TENM3: variants seen among roughly 807,000 people sequenced by gnomAD.
TENM3 encodes teneurin transmembrane protein 3, also known as teneurin-3.
Under a neutral mutation model 255.1 loss-of-function variants are expected in TENM3, and 63 were observed. The observed-to-expected ratio is 0.25, with a 90% CI of 0.20 to 0.30. The LOEUF (loss-of-function observed/expected upper bound fraction) is 0.30. Ranked by LOEUF, TENM3 falls within the 10% of genes least tolerant of loss-of-function variation. The pLI is 1.00. For missense variants in TENM3, 2,929 were observed against 3,461.1 expected (o/e 0.85, Z 3.86); for synonymous variants, 1,306 against 1,322.3 (o/e 0.99, Z 0.27).
chr4:182,054,370 G>C, the TENM3 span, among the ~76,000 whole-genome samples: 1 of 152,184 alleles, frequency 6.6e-6, no homozygotes, highest in African/African-American at 2.4e-5. Context: ...GTCACCTGTA[G>C]AGATTAATTT....
intron 3 of TENM3, among the ~76,000 whole-genome samples, chr4:182,501,375 G>A (rs1026792335): frequency 4.2e-5 from 1 of 24,026 alleles, no homozygotes; most frequent in Admixed American, 5.7e-4. Context: ...TCTAAAAGTG[G>A]GGGGGGGGGT....
At chr4:181,876,201 T>C in the TENM3 span, among the ~76,000 whole-genome samples, 39 of 152,242 alleles carry the variant, frequency 2.6e-4, 1 homozygote, top group Admixed American at 2.2e-3. Flanking sequence ...ATATATCATA[T>C]TGAGGATAGT....
chr4:182,314,127 T>C (rs1012580337), intron 1 of TENM3, among the ~76,000 whole-genome samples: 1 of 152,158 alleles, frequency 6.6e-6, no homozygotes, highest in Non-Finnish European at 1.5e-5. Flanking sequence ...GATGAAACCC[T>C]GTCTCTACTA....
the TENM3 span, among the ~76,000 whole-genome samples, chr4:181,574,375 C>CA: frequency 6.6e-6 from 1 of 151,312 alleles, no homozygotes; most frequent in African/African-American, 2.4e-5. Flanking sequence ...ACTAAAAATA[C>CA]AAAAAATTAG....
the TENM3 span, among the ~76,000 whole-genome samples, chr4:182,125,783 T>A: frequency 4.3e-5 from 6 of 138,664 alleles, no homozygotes; most frequent in East Asian, 2.1e-4. Flanking sequence ...TTTTTTTTTT[T>A]AAAGATAGAA....
chr4:181,453,180 G>A, the TENM3 span, among the ~76,000 whole-genome samples: 1 of 152,160 alleles, frequency 6.6e-6, no homozygotes, highest in Non-Finnish European at 1.5e-5. Flanking sequence ...GACGACAAGG[G>A]AGTGATTGAC....
the TENM3 span, among the ~76,000 whole-genome samples, chr4:182,004,895 C>A: frequency 6.6e-6 from 1 of 152,122 alleles, no homozygotes; most frequent in Admixed American, 6.5e-5. Flanking sequence ...TCTTCATATC[C>A]TTTACCCCCT....
chr4:181,590,750 G>A, the TENM3 span, among the ~76,000 whole-genome samples: 5 of 152,110 alleles, frequency 3.3e-5, no homozygotes, highest in Non-Finnish European at 7.4e-5. Context: ...TATTTGAACT[G>A]GATTTCCAAG....
chr4:181,934,788 G>T, the TENM3 span, among the ~76,000 whole-genome samples: 1 of 152,060 alleles, frequency 6.6e-6, no homozygotes, highest in African/African-American at 2.4e-5. Flanking sequence ...TAAGATCCTA[G>T]TGTTCGAGTA....
chr4:182,738,253 CTTAAA>C (rs1289871007), intron 17 of TENM3, 143 bp from the exon 18 acceptor site: 28 of 635,734 alleles, frequency 4.4e-5, no homozygotes, highest in Non-Finnish European at 6.7e-5. Context: ...GTGAAATCTT[CTTAAA>C]TTAAAAAATA....
At chr4:181,806,610 G>A in the TENM3 span, among the ~76,000 whole-genome samples, 5 of 152,272 alleles carry the variant, frequency 3.3e-5, no homozygotes, top group African/African-American at 7.2e-5. Flanking sequence ...CCTCCCCTTC[G>A]GGGCACACAG....
intron 3 of TENM3, among the ~76,000 whole-genome samples, chr4:182,550,535 T>C (rs1741895315): frequency 1.3e-5 from 2 of 152,190 alleles, no homozygotes; most frequent in Non-Finnish European, 1.5e-5. Context: ...TCATTCTTAA[T>C]TTTGTTCTGT....
At chr4:182,154,027 G>C (rs941344337) in intron 1 of TENM3, among the ~76,000 whole-genome samples, 1 of 151,748 alleles carries the variant, frequency 6.6e-6, no homozygotes, top group Non-Finnish European at 1.5e-5. Flanking sequence ...TTTATCTTTT[G>C]AAAAACAATG....
chr4:181,724,121 C>T, the TENM3 span, among the ~76,000 whole-genome samples: 4 of 152,204 alleles, frequency 2.6e-5, no homozygotes, highest in African/African-American at 4.8e-5. Flanking sequence ...AATCCAGTTC[C>T]GTTCATGTTG....
chr4:182,432,701 T>C (rs759494419), intron 3 of TENM3, among the ~76,000 whole-genome samples: 45 of 152,132 alleles, frequency 3.0e-4, no homozygotes, highest in Non-Finnish European at 6.5e-4. Flanking sequence ...CTGGCCAAAG[T>C]GGTAGAAACC....
the TENM3 span, among the ~76,000 whole-genome samples, chr4:181,549,352 T>G: frequency 6.6e-6 from 1 of 152,190 alleles, no homozygotes; most frequent in Admixed American, 6.5e-5. Context: ...GACATGAACA[T>G]GCAATCATGC....
At chr4:181,821,082 A>G in the TENM3 span, among the ~76,000 whole-genome samples, 5 of 152,172 alleles carry the variant, frequency 3.3e-5, no homozygotes, top group Non-Finnish European at 7.3e-5. Flanking sequence ...CCTGCCCACT[A>G]TGGATGGCAG....
chr4:182,207,495 G>C (rs1754664572), intron 1 of TENM3, among the ~76,000 whole-genome samples: 5 of 152,196 alleles, frequency 3.3e-5, no homozygotes, highest in Admixed American at 2.6e-4. Context: ...CATGCAAAAA[G>C]ATATGTGGCG....
intron 1 of TENM3, among the ~76,000 whole-genome samples, chr4:182,300,541 C>T (rs1256300225): frequency 4.6e-5 from 7 of 152,164 alleles, no homozygotes; most frequent in East Asian, 3.9e-4. Flanking sequence ...CACCTGGTGA[C>T]GGCTTGTGCC....
Sources: gnomAD v4.1 joint callset for allele counts (sites outside exome capture counted in the v4.1 genomes callset) on GRCh38, gnomAD v4.1.1 for gene constraint, MANE v1.5 for transcripts, NCBI Gene and HGNC (gene_info 2026-07-23, HGNC 2026-07-21) for gene names.